The following SAMD4A variants were observed in gnomAD, a reference collection of about 807,000 sequenced individuals.
SAMD4A encodes sterile alpha motif domain containing 4A.
Under a neutral mutation model 81.3 loss-of-function variants are expected in SAMD4A, and 33 were observed. That is an observed-to-expected ratio of 0.41 (90% CI 0.31 to 0.54). The LOEUF is 0.54. Ranked by LOEUF, SAMD4A falls within the 20% of genes least tolerant of loss-of-function variation. The pLI, the probability that SAMD4A is intolerant of heterozygous loss-of-function variation, is 0.37. For missense variants in SAMD4A, 854 were observed against 951.1 expected (o/e 0.90, Z 1.34); for synonymous variants, 389 against 382.1 (o/e 1.02, Z -0.21).
At chr14:54,686,076 G>A (rs1490304823) in intron 2 of SAMD4A, among the ~76,000 whole-genome samples, 6 of 152,210 alleles carry the variant, frequency 3.9e-5, no homozygotes, top group African/African-American at 1.2e-4. Flanking sequence ...GGGGGATAGG[G>A]TGGTGAGTCC....
intron 9 of SAMD4A, among the ~76,000 whole-genome samples, chr14:54,773,656 C>G (rs1394539845): frequency 6.6e-6 from 1 of 152,216 alleles, no homozygotes; most frequent in Non-Finnish European, 1.5e-5. Flanking sequence ...AAGCATGGAC[C>G]TGCCCTGGCC....
chr14:54,604,765 A>T (rs1016410435), intron 2 of SAMD4A, among the ~76,000 whole-genome samples: 1 of 152,252 alleles, frequency 6.6e-6, no homozygotes, highest in South Asian at 2.1e-4. Context: ...CCTATCATAC[A>T]TACAAAAGAG....
At chr14:54,604,248 C>T (rs566249186) in intron 2 of SAMD4A, among the ~76,000 whole-genome samples, 103 of 152,312 alleles carry the variant, frequency 6.8e-4, no homozygotes, top group African/African-American at 2.4e-3. Context: ...TGCTGGAATC[C>T]ACCACCAAGA....
At chr14:54,677,402 C>T (rs2036015735) in intron 2 of SAMD4A, among the ~76,000 whole-genome samples, 2 of 152,196 alleles carry the variant, frequency 1.3e-5, no homozygotes, top group Admixed American at 1.3e-4. Flanking sequence ...CCTCCACGCA[C>T]ATAGTATTCT....
intron 2 of SAMD4A, among the ~76,000 whole-genome samples, chr14:54,594,217 T>C (rs1404166178): frequency 6.6e-6 from 1 of 152,208 alleles, no homozygotes. Flanking sequence ...CTTGGTTTTC[T>C]TTCTGCCTAT....
rs1448568062 is a variant in SAMD4A, at chr14:54,792,824, C to T, written c.*3880C>T. 3 of 151,692 alleles carry T rather than the reference C, an allele frequency of 2.0e-5. No homozygotes were observed. Among genetic ancestry groups the T allele is most frequent in the Admixed American group, 2.0e-4 (3 of 15,216 alleles). The allele number at this position is 151,692 out of a possible 1,614,324, so 9.4% of individuals were successfully genotyped here. On this transcript the variant is annotated 3_prime_UTR_variant, in exon 13 of 13. Transcript: ENST00000554335. Reference sequence around the variant, plus strand: ...TCCTCTGGGAGGAATAGGAAGAAAACAGGAATGTTAATAATGTCGAACAGA... The same window carrying T: ...TCCTCTGGGAGGAATAGGAAGAAAATAGGAATGTTAATAATGTCGAACAGA...
At chr14:54,787,660 A>G (rs961900402) in intron 12 of SAMD4A, among the ~76,000 whole-genome samples, 5 of 152,216 alleles carry the variant, frequency 3.3e-5, no homozygotes, top group African/African-American at 1.2e-4. Flanking sequence ...TTTAGTGGTC[A>G]CTGAACGCAG....
intron 3 of SAMD4A, among the ~76,000 whole-genome samples, chr14:54,724,178 T>G (rs909378798): frequency 5.3e-5 from 8 of 152,190 alleles, no homozygotes; most frequent in Non-Finnish European, 1.0e-4. Context: ...CTAGTGGACT[T>G]GTTCAGGATT....
chr14:54,676,192 A>G (rs2035989593), intron 2 of SAMD4A, among the ~76,000 whole-genome samples: 4 of 152,282 alleles, frequency 2.6e-5, no homozygotes, highest in Admixed American at 2.6e-4. Context: ...CCTGACAGTC[A>G]CCCTAACTAC....
intron 2 of SAMD4A, among the ~76,000 whole-genome samples, chr14:54,606,210 T>C (rs936121019): frequency 3.3e-5 from 5 of 150,344 alleles, no homozygotes; most frequent in African/African-American, 4.9e-5. Context: ...TGTGTGTGTG[T>C]GTGCGTGCAC....
intron 2 of SAMD4A, among the ~76,000 whole-genome samples, chr14:54,637,441 G>A (rs1719102738): frequency 6.6e-6 from 1 of 151,576 alleles, no homozygotes; most frequent in African/African-American, 2.4e-5. Flanking sequence ...AGATGCCAGT[G>A]AGGTTGGCAG....
intron 3 of SAMD4A, among the ~76,000 whole-genome samples, chr14:54,718,864 C>T (rs1386436692): frequency 2.0e-5 from 3 of 151,886 alleles, no homozygotes; most frequent in Admixed American, 1.3e-4. Context: ...ATCAGCTGGG[C>T]GTGTGGCGGG....
intron 2 of SAMD4A, among the ~76,000 whole-genome samples, chr14:54,596,386 A>G (rs1458297736): frequency 1.3e-5 from 2 of 152,168 alleles, no homozygotes; most frequent in Non-Finnish European, 2.9e-5. Flanking sequence ...GGAGTTCGAG[A>G]CCAGCCTGCC....
At chr14:54,584,739 A>G (rs140838410) in intron 2 of SAMD4A, among the ~76,000 whole-genome samples, 1,784 of 152,318 alleles carry the variant, frequency 0.012, 14 homozygotes, top group Non-Finnish European at 0.018. Context: ...ACCTAAGTTT[A>G]TGCTAGATTA....
chr14:54,761,665 C>A lies in SAMD4A; in HGVS notation c.1510+1171C>A, dbSNP rs2038401880. Among the ~76,000 whole-genome samples, 2 of 152,244 alleles carry A rather than the reference C, an allele frequency of 1.3e-5. 1 individual carries two copies. The highest frequency in any genetic ancestry group is 4.1e-4 in the South Asian group (2 of 4,836). ...CTGCTAGCACTCACCTTGGCATGCA[C>A]TTGTGCAGTGCACAGCCTGCACATC... On this transcript the variant is annotated intron_variant, in intron 7 of 12. Coordinates refer to ENST00000554335, the MANE Select transcript of SAMD4A (RefSeq NM_015589.6).
chr14:54,775,634 C>A (rs747598246), intron 10 of SAMD4A, among the ~76,000 whole-genome samples: 1 of 152,138 alleles, frequency 6.6e-6, no homozygotes, highest in Non-Finnish European at 1.5e-5. Context: ...GAGCTGACTT[C>A]TCTGGCCCGT....
At chr14:54,591,527 G>GTT (rs55702356) in intron 2 of SAMD4A, among the ~76,000 whole-genome samples, 1 of 147,216 alleles carries the variant, frequency 6.8e-6, no homozygotes, top group Non-Finnish European at 1.5e-5. Flanking sequence ...CCTGTATTTT[G>GTT]TTTTTTTTTT....
chr14:54,628,403 T>C (rs1025980333), intron 2 of SAMD4A, among the ~76,000 whole-genome samples: 3 of 152,128 alleles, frequency 2.0e-5, no homozygotes, highest in Non-Finnish European at 2.9e-5. Context: ...AATTGAATAA[T>C]GGCATGGATG....
intron 2 of SAMD4A, among the ~76,000 whole-genome samples, chr14:54,568,692 TATA>T (rs2033030169): frequency 0.021 from 6 of 290 alleles, no homozygotes; most frequent in African/African-American, 0.059. Context: ...ATTTGCAGCA[TATA>T]TATATATATA....
Sources: allele counts gnomAD v4.1 joint callset (sites outside exome capture counted in the v4.1 genomes callset), GRCh38; gene constraint gnomAD v4.1.1; transcripts MANE v1.5; gene names NCBI Gene and HGNC (gene_info 2026-07-23, HGNC 2026-07-21).